The following PTCHD4 variants were observed in gnomAD, a reference collection of about 807,000 sequenced individuals.
The protein encoded by PTCHD4 is patched domain-containing protein 4.
A neutral mutation model predicts 58.1 loss-of-function variants in PTCHD4; 33 were observed. The observed-to-expected ratio is 0.57, with a 90% confidence interval of 0.43 to 0.76. PTCHD4 has a LOEUF of 0.76. PTCHD4 is among the 30% of genes least tolerant of loss of function. The probability of loss-of-function intolerance (pLI) is 0.00; values close to 1 mark genes in which losing one functional copy is unlikely to be tolerated. For missense variants in PTCHD4, 1,058 were observed against 1,027.1 expected (o/e 1.03, Z -0.41); for synonymous variants, 478 against 409.6 (o/e 1.17, Z -2.02).
intron 4 of PTCHD4, among the ~76,000 whole-genome samples, chr6:47,935,332 C>A (rs536555322): frequency 6.6e-6 from 1 of 152,098 alleles, no homozygotes; most frequent in Admixed American, 6.6e-5. Flanking sequence ...ATGGTAGTCT[C>A]AATTAGGGGA....
chr6:48,012,853 CTGTT>C (rs201777535), intron 3 of PTCHD4, among the ~76,000 whole-genome samples: 2,676 of 152,266 alleles, frequency 0.018, 38 homozygotes, highest in South Asian at 0.046. Flanking sequence ...GTCATTGGTT[CTGTT>C]TAAGTGATGG....
At chr6:47,947,547 GT>G (rs1034937273) in intron 4 of PTCHD4, among the ~76,000 whole-genome samples, 50 of 150,770 alleles carry the variant, frequency 3.3e-4, no homozygotes, top group Admixed American at 2.6e-4. Flanking sequence ...ATTCAAAAGA[GT>G]TTTTTTTTCT....
intron 4 of PTCHD4, among the ~76,000 whole-genome samples, chr6:47,921,769 C>T (rs1765439065): frequency 2.6e-5 from 4 of 151,946 alleles, no homozygotes; most frequent in Non-Finnish European, 4.4e-5. Context: ...CTTGGACTGT[C>T]CACATTCAAA....
At position 48,008,649 on chromosome 6, in the gene PTCHD4, G is replaced by T; in HGVS notation, c.883C>A (p.Pro295Thr). The change falls in exon 4 of 5, where the codon CCG (proline) becomes ACG (threonine). Residue 295 changes from proline to threonine, a missense_variant. Coordinates refer to ENST00000339488, the MANE Select transcript of PTCHD4 (RefSeq NM_001384253.1). ...GGATAGTTACCCATGGCGAAGAACG[G>T]GATTCCCAGCAGGGTGGAGTTGTAC... ...GKYNSTLLGI[P>T]FFAMGHGTKG... The T allele has an allele frequency of 1.2e-6, 2 of 1,613,048 alleles. No homozygotes were observed. Among genetic ancestry groups the T allele is most frequent in the Non-Finnish European group, 1.7e-6 (2 of 1,179,500 alleles).
At chr6:47,908,335 C>T (rs1029828840) in intron 4 of PTCHD4, among the ~76,000 whole-genome samples, 1 of 152,052 alleles carries the variant, frequency 6.6e-6, no homozygotes, top group Non-Finnish European at 1.5e-5. Flanking sequence ...CTCAGTCTGC[C>T]CCTCACCCTC....
chr6:48,012,444 A>G (rs575341410), intron 3 of PTCHD4, among the ~76,000 whole-genome samples: 1 of 152,318 alleles, frequency 6.6e-6, no homozygotes, highest in East Asian at 1.9e-4. Flanking sequence ...ACTATGCTGA[A>G]GTTGCTTATC....
chr6:48,002,285 C>T (rs1355826697), intron 4 of PTCHD4, among the ~76,000 whole-genome samples: 3 of 152,166 alleles, frequency 2.0e-5, no homozygotes, highest in African/African-American at 7.2e-5. Flanking sequence ...GAGTATAAAT[C>T]ATGCTGCTAT....
In PTCHD4 at chr6:47,857,416, C is replaced by G. The variant is rs1763330612; in HGVS notation, c.*20887G>C. Among the ~76,000 whole-genome samples the G allele has an allele frequency of 6.6e-6, 1 of 152,040 alleles. No individual in the cohort carries two copies. The highest frequency in any genetic ancestry group is 6.6e-5 in the Admixed American group (1 of 15,220). On this transcript the variant is annotated 3_prime_UTR_variant, in exon 5 of 5. Coordinates refer to ENST00000339488, the MANE Select transcript of PTCHD4 (RefSeq NM_001384253.1). Reference sequence around the variant, plus strand: ...TATCTTGCTTCTTAAAACTTCTGCACTGCAGCAAGACGGTATCACACTGAC... The same window carrying G: ...TATCTTGCTTCTTAAAACTTCTGCAGTGCAGCAAGACGGTATCACACTGAC...
rs150465062 is a variant in PTCHD4 at position 48,017,484 on chromosome 6, A to G, written c.418-8370T>C. On this transcript the variant is annotated intron_variant, in intron 3 of 4. Coordinates refer to ENST00000339488, the MANE Select transcript of PTCHD4 (RefSeq NM_001384253.1). ...CAAGATTTCTGTATTGCTGAAATAA[A>G]ATAAAAACTCTAGCCATCCAGAATA... Among the ~76,000 whole-genome samples, 558 of 152,340 alleles carry G rather than the reference A, an allele frequency of 3.7e-3. 7 individuals carry two copies. Among genetic ancestry groups the G allele is most frequent in the African/African-American group, 0.013 (525 of 41,578 alleles).
At chr6:47,887,586 G>A (rs566597620) in intron 4 of PTCHD4, among the ~76,000 whole-genome samples, 4 of 152,246 alleles carry the variant, frequency 2.6e-5, no homozygotes, top group Non-Finnish European at 5.9e-5. Context: ...CAGGATTATG[G>A]ATATCTAACA....
At chr6:48,029,667 A>C (rs961150967) in intron 3 of PTCHD4, among the ~76,000 whole-genome samples, 1 of 152,158 alleles carries the variant, frequency 6.6e-6, no homozygotes, top group Non-Finnish European at 1.5e-5. Flanking sequence ...TCCAGAATTC[A>C]GAAACGCTTA....
At chr6:47,975,041 T>C (rs1767642510) in intron 4 of PTCHD4, among the ~76,000 whole-genome samples, 1 of 152,182 alleles carries the variant, frequency 6.6e-6, no homozygotes, top group African/African-American at 2.4e-5. Flanking sequence ...ACTCATCTCC[T>C]CTGGGAAGCC....
intron 4 of PTCHD4, among the ~76,000 whole-genome samples, chr6:47,960,458 A>G (rs563643568): frequency 4.6e-5 from 7 of 152,238 alleles, no homozygotes; most frequent in African/African-American, 1.7e-4. Flanking sequence ...TTTGTCTACA[A>G]GAAACTCACT....
intron 4 of PTCHD4, among the ~76,000 whole-genome samples, chr6:47,952,904 C>T (rs1032126345): frequency 1.3e-5 from 2 of 151,302 alleles, no homozygotes; most frequent in African/African-American, 4.9e-5. Context: ...ATATACTATA[C>T]ACATACACAT....
intron 4 of PTCHD4, among the ~76,000 whole-genome samples, chr6:47,889,455 T>G: frequency 6.6e-6 from 1 of 151,680 alleles, no homozygotes; most frequent in East Asian, 1.9e-4. Context: ...ATAAATGTCT[T>G]CTTTTGAGAA....
At chr6:48,033,911 GA>G (rs1763538314) in intron 3 of PTCHD4, among the ~76,000 whole-genome samples, 2 of 151,968 alleles carry the variant, frequency 1.3e-5, no homozygotes, top group African/African-American at 2.4e-5. Flanking sequence ...CCATTTTATG[GA>G]AAATTATTCT....
rs763951684 is a variant in PTCHD4 at position 47,879,702 on chromosome 6, T to C, written c.1133A>G (p.Tyr378Cys). The change falls in exon 5 of 5, where the codon TAC becomes TGC. Residue 378 changes from tyrosine (Y) to cysteine (C), a missense_variant. Transcript: ENST00000339488. ...MCVSILLNYFYIFSFFGSCLV... is the reference protein window; with the variant it reads ...MCVSILLNYFCIFSFFGSCLV... ...ACAGGAGCCAAAGAAGGAGAAAATG[T>C]AGAAGTAGTTCAACAGAATAGAGAC... The C allele has an allele frequency of 2.5e-6, 4 of 1,613,412 alleles. No individual in the cohort carries two copies. In the Admixed American group the frequency reaches 6.7e-5, roughly 27 times the overall value.
At chr6:48,092,298 G>A (rs1385426730) in intron 1 of PTCHD4, among the ~76,000 whole-genome samples, 1 of 152,180 alleles carries the variant, frequency 6.6e-6, no homozygotes, top group Non-Finnish European at 1.5e-5. Context: ...AACAGCTCTT[G>A]CAGTGTTAAT....
intron 1 of PTCHD4, among the ~76,000 whole-genome samples, chr6:48,102,843 G>A (rs781141789): frequency 3.3e-5 from 5 of 152,246 alleles, no homozygotes; most frequent in Non-Finnish European, 7.3e-5. Flanking sequence ...TGCCCACAGA[G>A]CCTAGCTCAT....
Sources: gnomAD v4.1 joint callset for allele counts (sites outside exome capture counted in the v4.1 genomes callset) on GRCh38, gnomAD v4.1.1 for gene constraint, MANE v1.5 for transcripts, NCBI Gene and HGNC (gene_info 2026-07-23, HGNC 2026-07-21) for gene names.